The following KCNQ5 variants were observed in gnomAD, a reference collection of about 807,000 sequenced individuals.
The protein encoded by KCNQ5 is potassium voltage-gated channel subfamily KQT member 5.
Under a neutral mutation model 98.2 loss-of-function variants are expected in KCNQ5, and 30 were observed. That is an observed-to-expected ratio of 0.31 (90% confidence interval 0.23 to 0.41). The LOEUF is 0.41. KCNQ5 is among the 10% of genes least tolerant of loss of function. KCNQ5 has a pLI of 1.00. For missense variants in KCNQ5, 835 were observed against 1,182.5 expected (o/e 0.71, Z 4.31); for synonymous variants, 458 against 449.4 (o/e 1.02, Z -0.24).
intron 10 of KCNQ5, chr6:73,157,798 A>G (rs1777428324): frequency 2.6e-6 from 2 of 779,142 alleles, no homozygotes; most frequent in Admixed American, 1.7e-5. Context: ...AGTTGCCATT[A>G]GCTTGCTCTT....
intron 1 of KCNQ5, among the ~76,000 whole-genome samples, chr6:72,643,945 C>G (rs1765458941): frequency 6.6e-6 from 1 of 151,304 alleles, no homozygotes; most frequent in African/African-American, 2.4e-5. Flanking sequence ...CAAAACTGTC[C>G]AAGGGAATAC....
intron 11 of KCNQ5, among the ~76,000 whole-genome samples, chr6:73,187,208 C>T (rs1234325947): frequency 7.2e-5 from 11 of 151,898 alleles, no homozygotes; most frequent in Non-Finnish European, 1.0e-4. Context: ...TACAGGTGCC[C>T]GTCACCACAC....
chr6:72,642,167 G>T (rs12214096), intron 1 of KCNQ5, among the ~76,000 whole-genome samples: 1 of 148,790 alleles, frequency 6.7e-6, no homozygotes, highest in African/African-American at 2.5e-5. Context: ...GATAAAGAGC[G>T]TGTTAAAAAG....
chr6:72,886,359 C>A (rs1778842495), intron 1 of KCNQ5, among the ~76,000 whole-genome samples: 1 of 151,818 alleles, frequency 6.6e-6, no homozygotes, highest in Non-Finnish European at 1.5e-5. Flanking sequence ...ATCTTAGACA[C>A]AACTGAAGAG....
intron 1 of KCNQ5, among the ~76,000 whole-genome samples, chr6:72,949,133 G>A (rs1766680056): frequency 6.6e-6 from 1 of 152,066 alleles, no homozygotes; most frequent in South Asian, 2.1e-4. Flanking sequence ...TTTCTCAAAT[G>A]GATGCTGAAG....
At chr6:73,019,039 T>C (rs1770472475) in intron 2 of KCNQ5, among the ~76,000 whole-genome samples, 1 of 152,036 alleles carries the variant, frequency 6.6e-6, no homozygotes, top group Non-Finnish European at 1.5e-5. Context: ...ATCACCACAT[T>C]GTATGCAAAG....
intron 1 of KCNQ5, among the ~76,000 whole-genome samples, chr6:72,873,184 CCTCTT>C (rs1778281727): frequency 1.3e-5 from 2 of 151,992 alleles, no homozygotes; most frequent in Admixed American, 1.3e-4. Context: ...TTTCTAATCA[CCTCTT>C]CTCTCTGTTA....
chr6:72,682,949 A>G (rs1265275802), intron 1 of KCNQ5, among the ~76,000 whole-genome samples: 1 of 152,138 alleles, frequency 6.6e-6, no homozygotes, highest in African/African-American at 2.4e-5. Context: ...TCGCTGCCCC[A>G]CTTAGAAATG....
intron 5 of KCNQ5, among the ~76,000 whole-genome samples, chr6:73,089,129 C>T (rs2150402726): frequency 6.6e-6 from 1 of 152,306 alleles, no homozygotes; most frequent in East Asian, 1.9e-4. Flanking sequence ...TATTGAGTGA[C>T]TACTGTATGC....
At chr6:72,830,456 C>T (rs576251814) in intron 1 of KCNQ5, among the ~76,000 whole-genome samples, 149 of 152,276 alleles carry the variant, frequency 9.8e-4, no homozygotes, top group African/African-American at 3.4e-3. Flanking sequence ...TGATCTTTGA[C>T]AAACCTGACA....
intron 1 of KCNQ5, among the ~76,000 whole-genome samples, chr6:72,863,090 C>T (rs942662667): frequency 9.2e-5 from 14 of 152,166 alleles, no homozygotes; most frequent in African/African-American, 3.1e-4. Context: ...TCAGTTGCTA[C>T]TGTGTGTATA....
intron 1 of KCNQ5, among the ~76,000 whole-genome samples, chr6:72,773,706 T>G (rs1246898325): frequency 6.6e-6 from 1 of 152,020 alleles, no homozygotes; most frequent in Non-Finnish European, 1.5e-5. Flanking sequence ...TTTTCATACC[T>G]GAAAACATAT....
chr6:72,957,492 C>T (rs1767139268), intron 1 of KCNQ5, among the ~76,000 whole-genome samples: 2 of 151,990 alleles, frequency 1.3e-5, no homozygotes, highest in Non-Finnish European at 2.9e-5. Flanking sequence ...TTTAAAATGC[C>T]AATACCAAGG....
intron 1 of KCNQ5, among the ~76,000 whole-genome samples, chr6:72,739,758 C>T (rs921052424): frequency 1.3e-5 from 2 of 152,218 alleles, no homozygotes; most frequent in Non-Finnish European, 1.5e-5. Flanking sequence ...AGCAGCTCTA[C>T]TGACTATTCG....
At chr6:72,774,915 C>G (rs2154477599) in intron 1 of KCNQ5, among the ~76,000 whole-genome samples, 1 of 152,204 alleles carries the variant, frequency 6.6e-6, no homozygotes, top group South Asian at 2.1e-4. Flanking sequence ...ACTGCATTAT[C>G]TACTTGAGGT....
In KCNQ5 at chr6:72,839,353, G is replaced by T. The variant is rs538882019; in HGVS notation, c.399-164555G>T. Among the ~76,000 whole-genome samples the T allele has an allele frequency of 2.6e-5, 4 of 152,260 alleles. No homozygotes were observed. In the South Asian group the frequency reaches 6.2e-4, roughly 24 times the overall value. ...TCATATTGAGCATATTCTAATAGCTGCTTTAAAATATTTGCCTTATAATTC... is the reference window on the plus strand; with the variant it reads ...TCATATTGAGCATATTCTAATAGCTTCTTTAAAATATTTGCCTTATAATTC... On this transcript the variant is annotated intron_variant, in intron 1 of 13. Transcript: ENST00000370398.
intron 1 of KCNQ5, among the ~76,000 whole-genome samples, chr6:72,899,771 C>G (rs1779406890): frequency 6.6e-6 from 1 of 151,846 alleles, no homozygotes. Context: ...TACACTTCAC[C>G]CTCTGTGTAG....
At chr6:72,626,533 A>C (rs1433244614) in intron 1 of KCNQ5, among the ~76,000 whole-genome samples, 1 of 152,242 alleles carries the variant, frequency 6.6e-6, no homozygotes, top group Non-Finnish European at 1.5e-5. Context: ...TGTAGGCAGT[A>C]GTGGTCATTG....
chr6:72,734,607 C>T (rs955710528), intron 1 of KCNQ5, among the ~76,000 whole-genome samples: 2 of 151,860 alleles, frequency 1.3e-5, no homozygotes, highest in Admixed American at 6.6e-5. Context: ...GTTTCAAATC[C>T]CCCTTTTGAT....
Sources: allele counts gnomAD v4.1 joint callset (sites outside exome capture counted in the v4.1 genomes callset), GRCh38; gene constraint gnomAD v4.1.1; transcripts MANE v1.5; gene names NCBI Gene and HGNC (gene_info 2026-07-23, HGNC 2026-07-21).